Variants in TOP3A observed in about 807,000 individuals in gnomAD.
TOP3A encodes the protein DNA topoisomerase III alpha.
In TOP3A, 64 loss-of-function variants were observed where a neutral mutation model predicts 111.3. That is an observed-to-expected ratio of 0.57 (90% CI 0.47 to 0.71). TOP3A has a LOEUF of 0.71. TOP3A is among the 30% of genes least tolerant of loss of function. The probability of loss-of-function intolerance (pLI) is 0.00; values close to 1 mark genes in which losing one functional copy is unlikely to be tolerated. For synonymous variants in TOP3A, 484 were observed against 485.1 expected (o/e 1.00, Z 0.03); for missense variants, 1,104 against 1,285.0 (o/e 0.86, Z 2.15).
chr17:18,303,797 G>C (rs867959649), intron 5 of TOP3A, among the ~76,000 whole-genome samples: 81 of 152,160 alleles, frequency 5.3e-4, no homozygotes, highest in African/African-American at 1.9e-3. Context: ...ACCAGCACTG[G>C]TGTAGGTCTT....
At chr17:18,278,385 C>T in intron 17 of TOP3A, 28 bp from the exon 18 acceptor site, 4 of 1,499,480 alleles carry the variant, frequency 2.7e-6, no homozygotes, top group Non-Finnish European at 3.6e-6. Flanking sequence ...TGAGAAAAAA[C>T]ATTAACAACC....
rs1179727459 is a variant in TOP3A, at chr17:18,282,746, C to T, written c.1973G>A (p.Cys658Tyr). The T allele has an allele frequency of 3.1e-6, 5 of 1,614,006 alleles. No individual in the cohort carries two copies. The highest frequency in any genetic ancestry group is 4.2e-6 in the Non-Finnish European group (5 of 1,180,022). The part of the protein sequence containing the change: ...YPAMPEPIRK[C>Y]PQCNKDMVLK... ...GACCATGTCCTTGTTGCACTGTGGGCACTTCCTGATGGGCTCTGGCATGGC... is the reference window on the plus strand; with the variant it reads ...GACCATGTCCTTGTTGCACTGTGGGTACTTCCTGATGGGCTCTGGCATGGC... Residue 658 changes from cysteine to tyrosine, a missense_variant, in exon 16 of 19, where the codon TGC becomes TAC. By Grantham distance (194) the Cys-to-Tyr change is radical (BLOSUM62 -2). Coordinates refer to ENST00000321105, the MANE Select transcript of TOP3A (RefSeq NM_004618.5).
In TOP3A at chr17:18,308,401, T is replaced by C; in HGVS notation, c.264A>G (p.Ser88=). The change falls in exon 3 of 19, where the codon TCA becomes TCG. Residue 88 remains serine, a synonymous_variant. Coordinates refer to ENST00000321105, the MANE Select transcript of TOP3A (RefSeq NM_004618.5). ...YGQNVTMVMT[S]VSGHLLAHDF... ...CATGAGCCAGTAAATGTCCAGAAAC[T>C]GAAGTCATTACCATGGTAACATTCT... The C allele has an allele frequency of 6.2e-7, 1 of 1,606,118 alleles. No individual in the cohort carries two copies. The highest frequency in any genetic ancestry group is 1.1e-5 in the South Asian group (1 of 89,678).
In TOP3A at chr17:18,271,940, C is replaced by T; in HGVS notation, c.*2862G>A. The T allele has an allele frequency of 3.4e-6, 1 of 290,828 alleles. No individual in the cohort carries two copies. Among genetic ancestry groups the T allele is most frequent in the South Asian group, 2.5e-5 (1 of 39,396 alleles). 18.0% of individuals were successfully genotyped at this position (290,828 alleles called of 1,614,324 possible). On this transcript the variant is annotated 3_prime_UTR_variant, in exon 19 of 19. Coordinates refer to ENST00000321105, the MANE Select transcript of TOP3A (RefSeq NM_004618.5). ...AATTAGCTGGGTGTGGAGGCAGATG[C>T]CTGTAATTCCAGCTACTTGGGAGGC...
At chr17:18,284,237 C>G (rs1979949536) in intron 15 of TOP3A, among the ~76,000 whole-genome samples, 1 of 150,494 alleles carries the variant, frequency 6.6e-6, no homozygotes, top group Non-Finnish European at 1.5e-5. Flanking sequence ...TGGTCTTGAA[C>G]TCCTGACCTT....
intron 1 of TOP3A, among the ~76,000 whole-genome samples, chr17:18,310,294 TG>T (rs566381198): frequency 1.3e-4 from 20 of 151,534 alleles, no homozygotes; most frequent in Non-Finnish European, 2.5e-4. Flanking sequence ...GGCGTGGTGG[TG>T]GGTGCCTGTA....
At chr17:18,287,644 G>A (rs1289382899) in intron 13 of TOP3A, among the ~76,000 whole-genome samples, 3 of 151,762 alleles carry the variant, frequency 2.0e-5, no homozygotes, top group Non-Finnish European at 4.4e-5. Flanking sequence ...TGAAACCCAG[G>A]GTTCATGGCT....
chr17:18,311,688 G>C (rs1196287703), intron 1 of TOP3A, among the ~76,000 whole-genome samples: 1 of 152,204 alleles, frequency 6.6e-6, no homozygotes, highest in Non-Finnish European at 1.5e-5. Context: ...CTGTCCTTTG[G>C]AGTTTAGAGT....
At position 18,280,972 on chromosome 17, in the gene TOP3A, A is replaced by G. The variant is rs117264585; in HGVS notation, c.2022-314T>C. ...TTTCTGCCTCGTGCCAAGTCTGGGCAGTGTCAGGGGCCCCCTCAGTTTGCA... is the reference window on the plus strand; with the variant it reads ...TTTCTGCCTCGTGCCAAGTCTGGGCGGTGTCAGGGGCCCCCTCAGTTTGCA... On this transcript the variant is annotated intron_variant, in intron 16 of 18. Coordinates refer to ENST00000321105, the MANE Select transcript of TOP3A (RefSeq NM_004618.5). Among the ~76,000 whole-genome samples the G allele has an allele frequency of 4.6e-3, 703 of 152,344 alleles. 1 individual carries two copies. Among genetic ancestry groups the G allele is most frequent in the Non-Finnish European group, 7.5e-3 (512 of 68,034 alleles).
intron 18 of TOP3A, among the ~76,000 whole-genome samples, chr17:18,275,718 A>G (rs537673685): frequency 7.1e-6 from 1 of 140,302 alleles, no homozygotes. Flanking sequence ...CAGTGGTGCA[A>G]TCTTGGCTCA....
chr17:18,282,834 C>T lies in TOP3A; in HGVS notation c.1885G>A (p.Glu629Lys), dbSNP rs139844084. The change falls in exon 16 of 19, where the codon GAG becomes AAG. Residue 629 changes from glutamate (E) to lysine (K), a missense_variant. By Grantham distance (56) the Glu-to-Lys change is moderately conservative (BLOSUM62 1). Coordinates refer to ENST00000321105, the MANE Select transcript of TOP3A (RefSeq NM_004618.5). Reference sequence around the variant, plus strand: ...TTCCCAAAGTACTGGGCCAAGGCCTCGTCCAATCTGAAGAAAAGGCAAAGA... The same window carrying T: ...TTCCCAAAGTACTGGGCCAAGGCCTTGTCCAATCTGAAGAAAAGGCAAAGA... ...EAVAKAKKLD[E>K]ALAQYFGNGT... 4,169 of 1,614,070 alleles carry T rather than the reference C, an allele frequency of 2.6e-3. 15 individuals carry two copies. The highest frequency in any genetic ancestry group is 4.5e-3 in the Middle Eastern group (27 of 6,060).
At chr17:18,293,163 A>T (rs1423801273) in intron 10 of TOP3A, among the ~76,000 whole-genome samples, 2 of 152,272 alleles carry the variant, frequency 1.3e-5, no homozygotes, top group Non-Finnish European at 2.9e-5. Flanking sequence ...CTGACAGACC[A>T]GCCCTGATGC....
intron 4 of TOP3A, among the ~76,000 whole-genome samples, chr17:18,305,497 C>T (rs984303343): frequency 1.3e-5 from 2 of 151,674 alleles, no homozygotes; most frequent in South Asian, 2.1e-4. Flanking sequence ...CGCGCGCGCG[C>T]GCGCGCGCAC....
chr17:18,278,171 G>A lies in TOP3A; in HGVS notation c.2331C>T (p.Asn777=), dbSNP rs1295546718. 1.2e-6 allele frequency: 2 copies of A among 1,614,084 alleles called. No individual in the cohort carries two copies. The highest frequency in any genetic ancestry group is 1.3e-5 in the African/African-American group (1 of 75,040). The change falls in exon 18 of 19, where the codon AAC becomes AAT. Residue 777 remains asparagine, a synonymous_variant. Coordinates refer to ENST00000321105, the MANE Select transcript of TOP3A (RefSeq NM_004618.5). ...QANQSLNRMD[N]SQHPQPADSR... ...TGTCAGCAGGCTGGGGGTGCTGGCT[G>A]TTGTCCATCCTGTTCAGGGACTGGT...
In TOP3A at chr17:18,306,982, A is replaced by G; in HGVS notation, c.315-16T>C. The G allele has an allele frequency of 6.2e-7, 1 of 1,600,012 alleles. No homozygotes were observed. Among genetic ancestry groups the G allele is most frequent in the Non-Finnish European group, 8.6e-7 (1 of 1,168,384 alleles). On this transcript the variant is annotated splice_polypyrimidine_tract_variant and intron_variant, in intron 3 of 18. Transcript: ENST00000321105. ...GCAGCTCTGCCTAGAAAAGAAATGA[A>G]AACAGAGTCCCAACTCAGTACATGA...
chr17:18,305,836 TCAAAACAAAACAAAA>T (rs544348650), intron 4 of TOP3A, among the ~76,000 whole-genome samples: 1 of 151,772 alleles, frequency 6.6e-6, no homozygotes, highest in Non-Finnish European at 1.5e-5. Context: ...AGACTCCATC[TCAAAACAAAACAAAA>T]CAAAACAAAA....
chr17:18,279,208 A>G (rs1207244384), intron 17 of TOP3A, among the ~76,000 whole-genome samples: 1 of 152,236 alleles, frequency 6.6e-6, no homozygotes, highest in Non-Finnish European at 1.5e-5. Context: ...ATTACCCTAA[A>G]AAACAAGTTA....
chr17:18,302,013 G>A (rs1287571334), intron 7 of TOP3A, 28 bp from the exon 8 acceptor site: 1 of 1,590,542 alleles, frequency 6.3e-7, no homozygotes, highest in East Asian at 2.2e-5. Flanking sequence ...AAACAGAAAG[G>A]CTGTGTCTCA....
chr17:18,293,866 A>T (rs1343109907), intron 10 of TOP3A, among the ~76,000 whole-genome samples: 2 of 152,234 alleles, frequency 1.3e-5, no homozygotes, highest in South Asian at 2.1e-4. Context: ...AAGTGCTAGG[A>T]TTACAGGCGT....
Sources: gnomAD v4.1 joint callset for allele counts (sites outside exome capture counted in the v4.1 genomes callset) on GRCh38, gnomAD v4.1.1 for gene constraint, MANE v1.5 for transcripts, NCBI Gene and HGNC (gene_info 2026-07-23, HGNC 2026-07-21) for gene names.